The following DACH1 variants were observed in gnomAD, a reference collection of about 807,000 sequenced individuals.
The protein encoded by DACH1 is dachshund homolog 1.
In DACH1, 12 loss-of-function variants were observed where a neutral mutation model predicts 54.2. That is an observed-to-expected ratio of 0.22 (90% CI 0.14 to 0.36). The LOEUF is 0.36. Ranked by LOEUF, DACH1 falls within the 10% of genes least tolerant of loss-of-function variation. The pLI is 1.00. For missense variants in DACH1, 805 were observed against 929.8 expected (o/e 0.87, Z 1.75); for synonymous variants, 386 against 366.2 (o/e 1.05, Z -0.62).
chr13:71,533,559 T>C (rs926898395), intron 6 of DACH1, among the ~76,000 whole-genome samples: 2 of 152,046 alleles, frequency 1.3e-5, no homozygotes, highest in African/African-American at 4.8e-5. Flanking sequence ...AATAATCTCA[T>C]CAAATTATTT....
chr13:71,605,682 T>C (rs1874827274), intron 3 of DACH1, among the ~76,000 whole-genome samples: 1 of 151,994 alleles, frequency 6.6e-6, no homozygotes, highest in South Asian at 2.1e-4. Flanking sequence ...TATGATATTG[T>C]GAAAAATGAA....
intron 3 of DACH1, among the ~76,000 whole-genome samples, chr13:71,587,040 T>G (rs565359751): frequency 2.5e-4 from 38 of 152,218 alleles, no homozygotes; most frequent in African/African-American, 8.9e-4. Context: ...AGACTGCTTT[T>G]AAAAATTCAA....
At chr13:71,638,712 G>A (rs1356191148) in intron 2 of DACH1, among the ~76,000 whole-genome samples, 1 of 152,004 alleles carries the variant, frequency 6.6e-6, no homozygotes, top group African/African-American at 2.4e-5. Flanking sequence ...AATAAAGTGG[G>A]TTTCTATTTT....
intron 1 of DACH1, chr13:71,704,392 T>C: frequency 2.4e-6 from 1 of 420,264 alleles, no homozygotes; most frequent in Non-Finnish European, 4.6e-6. Context: ...AGCATGCTGT[T>C]GACATTGTTT....
chr13:71,490,888 T>C (rs559494034), intron 6 of DACH1, among the ~76,000 whole-genome samples: 18 of 152,302 alleles, frequency 1.2e-4, no homozygotes, highest in African/African-American at 4.3e-4. Flanking sequence ...TAATAGATCA[T>C]GGGGATAATA....
At chr13:71,590,846 T>C (rs771785232) in intron 3 of DACH1, among the ~76,000 whole-genome samples, 1 of 151,648 alleles carries the variant, frequency 6.6e-6, no homozygotes, top group Non-Finnish European at 1.5e-5. Context: ...TTCTTTTCTT[T>C]TTCTCTCTCT....
At chr13:71,724,706 T>A (rs967635653) in intron 1 of DACH1, among the ~76,000 whole-genome samples, 5 of 152,164 alleles carry the variant, frequency 3.3e-5, no homozygotes, top group African/African-American at 1.2e-4. Context: ...AAAGAAACTA[T>A]GTTATGCCTA....
chr13:71,754,906 A>G (rs1284742847), intron 1 of DACH1, among the ~76,000 whole-genome samples: 1 of 152,212 alleles, frequency 6.6e-6, no homozygotes, highest in Non-Finnish European at 1.5e-5. Context: ...CTTGGGTCAC[A>G]TCGCTTTTAA....
chr13:71,776,630 A>G (rs986331387), intron 1 of DACH1, among the ~76,000 whole-genome samples: 3 of 152,274 alleles, frequency 2.0e-5, no homozygotes, highest in Middle Eastern at 3.4e-3. Context: ...TTGAAAAGGT[A>G]TCATTCATAA....
At chr13:71,553,065 C>CAT (rs570415123) in intron 6 of DACH1, among the ~76,000 whole-genome samples, 44 of 146,162 alleles carry the variant, frequency 3.0e-4, no homozygotes, top group African/African-American at 1.1e-3. Context: ...GCTGTAATCC[C>CAT]ATATATATAT....
intron 1 of DACH1, among the ~76,000 whole-genome samples, chr13:71,750,054 T>C (rs1371848577): frequency 6.6e-6 from 1 of 152,186 alleles, no homozygotes; most frequent in African/African-American, 2.4e-5. Context: ...GGAATAAATA[T>C]CATACAGAGT....
chr13:71,751,872 A>G (rs1566478950), intron 1 of DACH1, among the ~76,000 whole-genome samples: 1 of 152,156 alleles, frequency 6.6e-6, no homozygotes, highest in Non-Finnish European at 1.5e-5. Context: ...CTTGTGATCA[A>G]TATTTGTTAC....
intron 3 of DACH1, among the ~76,000 whole-genome samples, chr13:71,600,997 C>T (rs1448092456): frequency 6.6e-6 from 1 of 151,082 alleles, no homozygotes; most frequent in Non-Finnish European, 1.5e-5. Flanking sequence ...CATATGGTCT[C>T]TTTCAATTCA....
intron 3 of DACH1, among the ~76,000 whole-genome samples, chr13:71,623,711 T>A (rs1028794287): frequency 2.0e-5 from 3 of 151,738 alleles, no homozygotes; most frequent in African/African-American, 7.2e-5. Context: ...TAGGCAAAAA[T>A]TCCTTATTTA....
At chr13:71,841,177 GC>G in intron 1 of DACH1, among the ~76,000 whole-genome samples, 1 of 152,088 alleles carries the variant, frequency 6.6e-6, no homozygotes, top group Non-Finnish European at 1.5e-5. Flanking sequence ...TTCTAAACCT[GC>G]CTTTCATCTG....
rs142518857 is a variant in DACH1 at position 71,814,504 on chromosome 13, C to A, written c.848+51418G>T. On this transcript the variant is annotated intron_variant, in intron 1 of 10. Coordinates refer to ENST00000613252, the MANE Select transcript of DACH1 (RefSeq NM_080759.6). ...TTCTATTAATAACAGTGGTAAAAAC[C>A]TGGCACCAAACAAGTTGCAGATAAT... Among the ~76,000 whole-genome samples, 476 of 152,080 alleles carry A rather than the reference C, an allele frequency of 3.1e-3. 3 individuals are homozygous for A. The highest frequency in any genetic ancestry group is 0.011 in the African/African-American group (450 of 41,490).
At chr13:71,725,740 A>G (rs1594140660) in intron 1 of DACH1, among the ~76,000 whole-genome samples, 2 of 152,254 alleles carry the variant, frequency 1.3e-5, no homozygotes, top group Admixed American at 1.3e-4. Context: ...TAAAACAAAA[A>G]TGCAGGATAT....
intron 6 of DACH1, among the ~76,000 whole-genome samples, chr13:71,527,746 C>T (rs1170296900): frequency 6.6e-6 from 1 of 152,086 alleles, no homozygotes; most frequent in Non-Finnish European, 1.5e-5. Context: ...AGTCAGAAGT[C>T]ATTAAGCTTT....
intron 10 of DACH1, among the ~76,000 whole-genome samples, chr13:71,444,039 T>C (rs1316612857): frequency 6.6e-6 from 1 of 152,154 alleles, no homozygotes; most frequent in African/African-American, 2.4e-5. Context: ...GAGTAATATA[T>C]AATTATTTGT....
Sources: gnomAD v4.1 joint callset for allele counts (sites outside exome capture counted in the v4.1 genomes callset) on GRCh38, gnomAD v4.1.1 for gene constraint, MANE v1.5 for transcripts, NCBI Gene and HGNC (gene_info 2026-07-23, HGNC 2026-07-21) for gene names.